Variants in SNX4 observed in about 807,000 individuals in gnomAD.
SNX4 encodes sorting nexin-4.
Under a neutral mutation model 70.8 loss-of-function variants are expected in SNX4, and 49 were observed. The ratio of observed to expected loss-of-function variants is 0.69; its 90% CI spans 0.55 to 0.88. The LOEUF is 0.88. Among genes scored for constraint, SNX4 ranks in the 40% least tolerant of loss-of-function variants. SNX4 has a pLI of 0.00. For missense variants in SNX4, 528 were observed against 544.8 expected (o/e 0.97, Z 0.31); for synonymous variants, 206 against 183.8 (o/e 1.12, Z -0.98).
intron 8 of SNX4, among the ~76,000 whole-genome samples, chr3:125,474,229 C>G (rs1227804386): frequency 6.6e-6 from 1 of 152,198 alleles, no homozygotes; most frequent in Admixed American, 6.5e-5. Flanking sequence ...CTGGCAACTG[C>G]TGTAGTTCAG....
At position 125,471,344 on chromosome 3, in the gene SNX4, C is replaced by CAAAAAAAAAAAAAAAAAAAAAAAAAAA. The variant is rs767432586; in HGVS notation, c.789-1852_789-1826dup. 5.7e-4 allele frequency among the ~76,000 whole-genome samples: 16 copies of CAAAAAAAAAAAAAAAAAAAAAAAAAAA among 28,160 alleles called. 5 individuals carry two copies. Among genetic ancestry groups the CAAAAAAAAAAAAAAAAAAAAAAAAAAA allele is most frequent in the African/African-American group, 2.7e-3 (15 of 5,458 alleles). The allele number at this position is 28,160 out of a possible 152,430, so 18.5% of individuals were successfully genotyped here. ...GGGCAACAAGAGCAAAGCTCCATCT[C>CAAAAAAAAAAAAAAAAAAAAAAAAAAA]AAAAAAAAAAAAAAAAAAAAAAAAA... On this transcript the variant is annotated intron_variant, in intron 8 of 13. Transcript: ENST00000251775.
At chr3:125,451,090 AC>A (rs376021393) in intron 13 of SNX4, among the ~76,000 whole-genome samples, 8 of 151,904 alleles carry the variant, frequency 5.3e-5, no homozygotes, top group South Asian at 2.1e-4. Context: ...ACATAGCGAG[AC>A]CCCCCCATAT....
At chr3:125,490,107 C>T (rs1335116356) in intron 5 of SNX4, among the ~76,000 whole-genome samples, 4 of 151,692 alleles carry the variant, frequency 2.6e-5, no homozygotes, top group Admixed American at 6.6e-5. Context: ...CCAGCCTGGA[C>T]GACAGAGAGA....
At chr3:125,490,705 AT>A (rs148743855) in intron 5 of SNX4, among the ~76,000 whole-genome samples, 6,260 of 151,898 alleles carry the variant, frequency 0.041, 195 homozygotes, top group Non-Finnish European at 0.056. Flanking sequence ...TGAGGGATAA[AT>A]ACTAAATAAT....
Position 125,453,831 on chromosome 3 carries a change from T to C in SNX4, c.1169A>G (p.Lys390Arg), listed in dbSNP as rs1365799770. ...EQINEGEQQL[K>R]SKNLEGREFV... The stretch of plus-strand genomic sequence containing the variant: ...TTACCTGCCTTCCAGATTTTTAGAC[T>C]TTAGCTGTTGTTCTCCTTCATTTAT... The change falls in exon 12 of 14, where the codon AAG (lysine) becomes AGG (arginine). Residue 390 changes from lysine to arginine, a missense_variant. Physicochemically the swap from Lys to Arg is conservative, Grantham distance 26. This residue lies in a region of SNX4 where 159 missense variants were observed against 172.6 expected (regional missense o/e 0.92). Coordinates refer to ENST00000251775, the MANE Select transcript of SNX4 (RefSeq NM_003794.4). 6.2e-7 allele frequency: 1 copy of C among 1,614,052 alleles called. No individual in the cohort carries two copies.
At chr3:125,499,960 T>C (rs937510529) in intron 2 of SNX4, among the ~76,000 whole-genome samples, 3 of 151,832 alleles carry the variant, frequency 2.0e-5, no homozygotes, top group Non-Finnish European at 2.9e-5. Flanking sequence ...CCCAGGAGGC[T>C]GAGACAGGAG....
intron 1 of SNX4, among the ~76,000 whole-genome samples, chr3:125,506,817 T>TGAAAAAAAAAAAAAAAAAA (rs199752160): frequency 1.9e-4 from 5 of 26,820 alleles, no homozygotes; most frequent in African/African-American, 3.9e-4. Context: ...GTGGAGAAAG[T>TGAAAAAAAAAAAAAAAAAA]AAAAAAAAAA....
intron 8 of SNX4, among the ~76,000 whole-genome samples, chr3:125,471,873 TG>T (rs1934182847): frequency 6.6e-6 from 1 of 152,204 alleles, no homozygotes; most frequent in African/African-American, 2.4e-5. Context: ...TATCCTAAAT[TG>T]GGTCAGGTGC....
intron 9 of SNX4, among the ~76,000 whole-genome samples, chr3:125,462,936 A>G (rs1933921078): frequency 6.6e-6 from 1 of 152,202 alleles, no homozygotes; most frequent in Non-Finnish European, 1.5e-5. Context: ...TAGGCAGTAC[A>G]CCTAGAGTCG....
At chr3:125,519,747 G>C (rs1330815903) in intron 1 of SNX4, among the ~76,000 whole-genome samples, 2 of 151,700 alleles carry the variant, frequency 1.3e-5, no homozygotes, top group Non-Finnish European at 2.9e-5. Flanking sequence ...CCACGCCTGC[G>C]GGGGCGCCCC....
In SNX4 at chr3:125,447,754, T is replaced by C. The variant is rs371607972; in HGVS notation, c.*25A>G. ...GTGCTTCTGTTTTGGGGCACTTTGA[T>C]TGAAGAGAAATTCAATTCACAGGAT... is the stretch of plus-strand genomic sequence containing the variant. On this transcript the variant is annotated 3_prime_UTR_variant, in exon 14 of 14. Transcript: ENST00000251775. 1.2e-5 allele frequency: 19 copies of C among 1,572,396 alleles called. No individual in the cohort carries two copies. The highest frequency in any genetic ancestry group is 3.6e-5 in the South Asian group (3 of 84,294).
intron 10 of SNX4, among the ~76,000 whole-genome samples, chr3:125,458,814 C>CAAAAAAAAAAAAAAAAAAAAAA (rs71148180): frequency 1.2e-4 from 8 of 64,532 alleles, no homozygotes; most frequent in African/African-American, 3.2e-4. Context: ...GACTCCGTCT[C>CAAAAAAAAAAAAAAAAAAAAAA]AAAAAAAAAA....
chr3:125,484,071 C>T (rs1934472313), intron 6 of SNX4, among the ~76,000 whole-genome samples: 1 of 152,150 alleles, frequency 6.6e-6, no homozygotes, highest in South Asian at 2.1e-4. Flanking sequence ...TCCTGAAATA[C>T]TATCTATCTA....
intron 8 of SNX4, among the ~76,000 whole-genome samples, chr3:125,473,016 G>GA (rs377178281): frequency 2.3e-4 from 34 of 144,922 alleles, no homozygotes; most frequent in African/African-American, 4.3e-4. Context: ...AGGCACTTTT[G>GA]AAAAAAAAAA....
intron 6 of SNX4, among the ~76,000 whole-genome samples, chr3:125,484,893 C>A (rs1934487469): frequency 6.6e-6 from 1 of 151,980 alleles, no homozygotes; most frequent in South Asian, 2.1e-4. Context: ...TGGTGAAACC[C>A]CGTCTTTACT....
rs555851945 is a variant in SNX4 at position 125,478,646 on chromosome 3, T to C, written c.726+1601A>G. ...TAACACTAACTTTTCTAGATCCCTG[T>C]ACTTTTAGATACCAAACCTCCTTCC... is the stretch of plus-strand genomic sequence containing the variant. On this transcript the variant is annotated intron_variant, in intron 7 of 13. Transcript: ENST00000251775. Among the ~76,000 whole-genome samples, 4 of 152,196 alleles carry C rather than the reference T, an allele frequency of 2.6e-5. No homozygotes were observed. In the South Asian group the frequency reaches 8.3e-4, roughly 32 times the overall value.
chr3:125,479,238 T>C (rs1934351490), intron 7 of SNX4, among the ~76,000 whole-genome samples: 1 of 152,084 alleles, frequency 6.6e-6, no homozygotes, highest in Non-Finnish European at 1.5e-5. Flanking sequence ...TTAAAACAAA[T>C]TCCAGGCAAT....
At chr3:125,473,367 C>T (rs1176370193) in intron 8 of SNX4, among the ~76,000 whole-genome samples, 2 of 152,120 alleles carry the variant, frequency 1.3e-5, no homozygotes, top group Non-Finnish European at 2.9e-5. Context: ...CAAATTAACA[C>T]CAAAGATGTA....
chr3:125,478,506 T>C (rs1222643770), intron 7 of SNX4, among the ~76,000 whole-genome samples: 1 of 151,940 alleles, frequency 6.6e-6, no homozygotes, highest in Admixed American at 6.6e-5. Context: ...TGTAGGACCT[T>C]TTAGACCTTT....
Sources: gnomAD v4.1 joint callset for allele counts (sites outside exome capture counted in the v4.1 genomes callset) on GRCh38, gnomAD v4.1.1 for gene constraint, gnomAD v4.1.1 regional missense constraint, MANE v1.5 for transcripts, NCBI Gene and HGNC (gene_info 2026-07-23, HGNC 2026-07-21) for gene names.